Variants in OXNAD1 observed in about 807,000 individuals in gnomAD.
OXNAD1 encodes the protein oxidoreductase NAD binding domain containing 1.
Under a neutral mutation model 32.9 loss-of-function variants are expected in OXNAD1, and 34 were observed. The observed-to-expected ratio is 1.03, with a 90% CI of 0.79 to 1.38. The LOEUF is 1.38. Among genes scored for constraint, OXNAD1 ranks in the 40% most tolerant of loss-of-function variants. The probability of loss-of-function intolerance (pLI) is 0.00; values close to 1 mark genes in which losing one functional copy is unlikely to be tolerated. For synonymous variants in OXNAD1, 134 were observed against 135.2 expected (o/e 0.99, Z 0.06); for missense variants, 407 against 379.4 (o/e 1.07, Z -0.60).
intron 9 of OXNAD1, chr3:16,347,672 C>T (rs1189425800): frequency 2.0e-5 from 3 of 152,254 alleles, no homozygotes; most frequent in African/African-American, 7.2e-5. Context: ...GGAGCTTTCT[C>T]TGTGAAAGGG....
intron 4 of OXNAD1, among the ~76,000 whole-genome samples, chr3:16,274,154 A>C: frequency 7.2e-6 from 1 of 138,158 alleles, no homozygotes; most frequent in African/African-American, 2.8e-5. Flanking sequence ...CCAATAAATC[A>C]CTGTACTATC....
downstream of OXNAD1, among the ~76,000 whole-genome samples, chr3:16,338,080 G>T (rs1289077045): frequency 1.3e-5 from 2 of 152,256 alleles, no homozygotes; most frequent in Non-Finnish European, 2.9e-5. The surrounding 1 kb of genome is among the most constrained non-coding windows in gnomAD (Gnocchi z 5.3). Flanking sequence ...AAACCTGCAT[G>T]TGCAAGATAA....
chr3:16,327,965 G>C lies in OXNAD1; in HGVS notation c.*31-9147G>C, dbSNP rs1044272876. ...GTAACTGGACTCCTCATCCCTCATA[G>C]TTTGGCTTCTTGTAGTTGGCTTCCG... On this transcript the variant is annotated intron_variant, in intron 9 of 9. Transcript: ENST00000435829. The surrounding 1 kb of genome is among the most constrained non-coding windows in gnomAD (Gnocchi z 4.2). Among the ~76,000 whole-genome samples the C allele has an allele frequency of 6.6e-6, 1 of 152,214 alleles. No homozygotes were observed. Among genetic ancestry groups the C allele is most frequent in the Admixed American group, 6.5e-5 (1 of 15,288 alleles).
At chr3:16,315,248 TGA>T (rs1283640274) in intron 9 of OXNAD1, among the ~76,000 whole-genome samples, 4 of 152,132 alleles carry the variant, frequency 2.6e-5, no homozygotes, top group Non-Finnish European at 5.9e-5. Flanking sequence ...CCCGAGTAGC[TGA>T]GATTACAAGC....
intron 4 of OXNAD1, among the ~76,000 whole-genome samples, chr3:16,285,773 A>G (rs140986710): frequency 6.6e-6 from 1 of 152,386 alleles, no homozygotes; most frequent in East Asian, 1.9e-4. Flanking sequence ...AATTAAAAAC[A>G]AAGACATGAA....
Position 16,287,399 on chromosome 3 carries a change from AAAC to A in OXNAD1, c.290+954_290+956del, listed in dbSNP as rs1177318047. Among the ~76,000 whole-genome samples, 4 of 152,212 alleles carry A rather than the reference AAAC, an allele frequency of 2.6e-5. No homozygotes were observed. Among genetic ancestry groups the A allele is most frequent in the Non-Finnish European group, 5.9e-5 (4 of 68,038 alleles). On this transcript the variant is annotated intron_variant, in intron 5 of 8. Coordinates refer to ENST00000285083, the MANE Select transcript of OXNAD1 (RefSeq NM_138381.5). The surrounding 1 kb of genome is among the most constrained non-coding windows in gnomAD (Gnocchi z 4.8). The stretch of plus-strand genomic sequence containing the variant: ...GTTTGCCTTTGAATTTAGAACTAGA[AAAC>A]AAGATGCTGATTGCAATAATTTGGG...
intron 9 of OXNAD1, chr3:16,323,290 A>C: frequency 1.0e-6 from 1 of 972,404 alleles, no homozygotes; most frequent in Non-Finnish European, 1.6e-6. Context: ...AAGCTGGAGC[A>C]GGCTGCCCCC....
In OXNAD1 at chr3:16,303,391, A is replaced by G. The variant is rs1307445311; in HGVS notation, c.785-17A>G. On this transcript the variant is annotated splice_polypyrimidine_tract_variant and intron_variant, in intron 8 of 8. Coordinates refer to ENST00000285083, the MANE Select transcript of OXNAD1 (RefSeq NM_138381.5). The surrounding 1 kb of genome is among the most constrained non-coding windows in gnomAD (Gnocchi z 4.8). ...CCATGTCTGGCTTAATTTGGTGTTT[A>G]TTCTGGTTTTTGGTAGAAGGAAGAA... is the stretch of plus-strand genomic sequence containing the variant. The G allele has an allele frequency of 6.2e-7, 1 of 1,612,668 alleles. No individual in the cohort carries two copies. Among genetic ancestry groups the G allele is most frequent in the Non-Finnish European group, 8.5e-7 (1 of 1,179,320 alleles).
In OXNAD1 at chr3:16,342,971, G is replaced by A. The variant is rs894218647; in HGVS notation, c.*31-6205G>A. On this transcript the variant is annotated intron_variant, in intron 9 of 9. Transcript: ENST00000606098. The surrounding 1 kb of genome is among the most constrained non-coding windows in gnomAD (Gnocchi z 4.0). ...CCTCCCACTACAGCCCCTCTGAGTC[G>A]CTGGGAATACAGGCACACACCACCA... Among the ~76,000 whole-genome samples the A allele has an allele frequency of 3.3e-5, 5 of 152,182 alleles. 1 individual carries two copies. The highest frequency in any genetic ancestry group is 2.1e-4 in the South Asian group (1 of 4,812).
At chr3:16,337,465 C>T (rs560964054), downstream of OXNAD1, 3 of 152,092 alleles carry the variant, frequency 2.0e-5, no homozygotes, top group East Asian at 1.9e-4. The surrounding 1 kb of genome is among the most constrained non-coding windows in gnomAD (Gnocchi z 5.0). Flanking sequence ...GATTTGTGGC[C>T]GGGCTCAGTG....
intron 9 of OXNAD1, among the ~76,000 whole-genome samples, chr3:16,326,471 T>G (rs993627023): frequency 2.6e-5 from 4 of 152,258 alleles, no homozygotes; most frequent in Admixed American, 2.6e-4. Flanking sequence ...TAGTAGGTGC[T>G]GAATTTCTTT....
At chr3:16,275,987 C>G (rs1325918031) in intron 4 of OXNAD1, 1 of 153,784 alleles carries the variant, frequency 6.5e-6, no homozygotes, top group Admixed American at 6.5e-5. Flanking sequence ...ATGTTTCCAA[C>G]GTAGATTCTG....
Position 16,306,031 on chromosome 3 carries a change from A to C in OXNAD1, c.*2469A>C, listed in dbSNP as rs2067529496. ...GCCAGGCACAAAATAGGTATTTCAT[A>C]AATATTTGTTAATATGCTCAGAGTT... On this transcript the variant is annotated 3_prime_UTR_variant, in exon 9 of 9. Coordinates refer to ENST00000285083, the MANE Select transcript of OXNAD1 (RefSeq NM_138381.5). The C allele has an allele frequency of 6.6e-6, 1 of 151,874 alleles. No individual in the cohort carries two copies. The highest frequency in any genetic ancestry group is 1.5e-5 in the Non-Finnish European group (1 of 67,886). The allele number at this position is 151,874 out of a possible 1,614,324, so 9.4% of individuals were successfully genotyped here.
chr3:16,347,172 A>G (rs976024955), intron 9 of OXNAD1, among the ~76,000 whole-genome samples: 2 of 152,082 alleles, frequency 1.3e-5, no homozygotes, highest in Non-Finnish European at 1.5e-5. Flanking sequence ...CCTTCAACCC[A>G]TTGCAAAAAT....
chr3:16,286,533 C>T, intron 5 of OXNAD1, 85 bp downstream of exon 5: 5 of 1,088,806 alleles, frequency 4.6e-6, no homozygotes, highest in Non-Finnish European at 6.9e-6. Context: ...CTGGAAAAGG[C>T]TAGCCATTCC....
rs1162932851 is a variant in OXNAD1 at position 16,302,529 on chromosome 3, G to T, written c.676-111G>T. The T allele has an allele frequency of 5.7e-6, 4 of 707,810 alleles. No homozygotes were observed. Among genetic ancestry groups the T allele is most frequent in the African/African-American group, 5.3e-5 (3 of 56,102 alleles). The allele number at this position is 707,810 out of a possible 1,614,324, so 43.8% of individuals were successfully genotyped here. The stretch of plus-strand genomic sequence containing the variant: ...AACAATATCTCTCTAAGTAGAGAGC[G>T]AGAGCGGCAGACGTGTGCAGAATGG... On this transcript the variant is annotated intron_variant, in intron 7 of 8. Coordinates refer to ENST00000285083, the MANE Select transcript of OXNAD1 (RefSeq NM_138381.5). The surrounding 1 kb of genome is among the most constrained non-coding windows in gnomAD (Gnocchi z 4.2).
chr3:16,343,573 A>T (rs2071450896), intron 9 of OXNAD1, among the ~76,000 whole-genome samples: 1 of 152,220 alleles, frequency 6.6e-6, no homozygotes, highest in South Asian at 2.1e-4. Flanking sequence ...GTCATGGTGG[A>T]ACCTAAGACT....
downstream of OXNAD1, among the ~76,000 whole-genome samples, chr3:16,337,644 A>G (rs1297832435): frequency 1.3e-5 from 2 of 151,208 alleles, no homozygotes; most frequent in Non-Finnish European, 2.9e-5. This position sits in a 1 kb window ranked among gnomAD's most constrained non-coding sequence, Gnocchi z 5.0. Flanking sequence ...CGGGAGGCTG[A>G]GGCAGGAGAA....
In OXNAD1 at chr3:16,335,794, AAGG is replaced by A. The variant is rs1559829047; in HGVS notation, c.*31-1315_*31-1313del. Reference sequence around the variant, plus strand: ...GGAACTTTAAAAAAAAAAAAAAAAAAAGGAGTTTGATCACACCATCAAATATCT... The same window carrying A: ...GGAACTTTAAAAAAAAAAAAAAAAAAAGTTTGATCACACCATCAAATATCT... On this transcript the variant is annotated intron_variant, in intron 9 of 9. Transcript: ENST00000435829. The surrounding 1 kb of genome is among the most constrained non-coding windows in gnomAD (Gnocchi z 4.7). 3.6e-5 allele frequency among the ~76,000 whole-genome samples: 5 copies of A among 140,148 alleles called. No homozygotes were observed. Among genetic ancestry groups the A allele is most frequent in the South Asian group, 2.1e-4 (1 of 4,704 alleles). The allele number at this position is 140,148 out of a possible 152,430, so 91.9% of individuals were successfully genotyped here. A position where few individuals can be genotyped will look rare whatever the true frequency, so the allele number is the denominator to read the frequency against.
Sources: allele counts gnomAD v4.1 joint callset (sites outside exome capture counted in the v4.1 genomes callset), GRCh38; gene constraint gnomAD v4.1.1; non-coding constraint Gnocchi (gnomAD v3.1); transcripts MANE v1.5; gene names NCBI Gene and HGNC (gene_info 2026-07-23, HGNC 2026-07-21).